Variants in TBC1D9 observed in about 807,000 individuals in gnomAD.
TBC1D9 encodes TBC1 domain family member 9.
TBC1D9 carries 63 observed loss-of-function variants against 132.0 expected under a neutral mutation model. The ratio of observed to expected loss-of-function variants is 0.48; its 90% CI spans 0.39 to 0.59. TBC1D9 has a LOEUF of 0.59. Ranked by LOEUF, TBC1D9 falls within the 20% of genes least tolerant of loss-of-function variation. The pLI is 0.00. For missense variants in TBC1D9, 1,261 were observed against 1,592.7 expected (o/e 0.79, Z 3.54); for synonymous variants, 610 against 609.9 (o/e 1.00, Z 0.00).
chr4:140,634,270 G>A, intron 15 of TBC1D9, 82 bp from the exon 16 acceptor site: 1 of 1,548,420 alleles, frequency 6.5e-7, no homozygotes, highest in Non-Finnish European at 8.7e-7. Flanking sequence ...AGTTTGGAAA[G>A]GGCTTTAGGT....
intron 15 of TBC1D9, among the ~76,000 whole-genome samples, chr4:140,634,703 G>A (rs767583450): frequency 3.3e-5 from 5 of 152,056 alleles, no homozygotes; most frequent in African/African-American, 4.8e-5. Context: ...CTTAACTCCC[G>A]CTTTAATGTC....
chr4:140,642,547 AG>A, intron 13 of TBC1D9: 1 of 1,126,512 alleles, frequency 8.9e-7, no homozygotes, highest in East Asian at 2.3e-5. Flanking sequence ...GGTGAGGGAG[AG>A]GGCCTTTGTC....
intron 10 of TBC1D9, 31 bp downstream of exon 10, chr4:140,661,862 T>A (rs773542990): frequency 6.4e-7 from 1 of 1,560,632 alleles, no homozygotes; most frequent in Non-Finnish European, 8.8e-7. Flanking sequence ...TTTATTTTAT[T>A]TTTTTAGCAA....
intron 1 of TBC1D9, among the ~76,000 whole-genome samples, chr4:140,735,866 CTT>C (rs997006614): frequency 1.3e-4 from 20 of 152,198 alleles, no homozygotes; most frequent in African/African-American, 4.8e-4. Context: ...TAAGAGCTGT[CTT>C]TTGCTAGACA....
At chr4:140,643,118 G>T (rs574076851) in intron 13 of TBC1D9, 44 of 1,407,132 alleles carry the variant, frequency 3.1e-5, no homozygotes, top group Non-Finnish European at 4.1e-5. Context: ...GTTCTTGAGC[G>T]GGTCCCACCA....
At chr4:140,755,410 G>A (rs1019919263) in intron 1 of TBC1D9, among the ~76,000 whole-genome samples, 2 of 152,106 alleles carry the variant, frequency 1.3e-5, no homozygotes, top group African/African-American at 4.8e-5. Flanking sequence ...TCCTGTTTCC[G>A]TATTCATTCT....
intron 18 of TBC1D9, 126 bp from the exon 19 acceptor site, chr4:140,624,514 A>T: frequency 1.4e-6 from 1 of 704,462 alleles, no homozygotes. Flanking sequence ...CAAACAAACA[A>T]AAAAAAACTC....
intron 2 of TBC1D9, among the ~76,000 whole-genome samples, chr4:140,694,802 T>C (rs1038288561): frequency 7.9e-5 from 12 of 150,944 alleles, no homozygotes; most frequent in African/African-American, 2.7e-4. Context: ...AGTCTGAAAG[T>C]GATGATTTGT....
chr4:140,731,130 G>A (rs554537627), intron 1 of TBC1D9, among the ~76,000 whole-genome samples: 1 of 152,228 alleles, frequency 6.6e-6, no homozygotes, highest in East Asian at 1.9e-4. Flanking sequence ...TAGACTCAAG[G>A]AAGACTGCCT....
intron 6 of TBC1D9, among the ~76,000 whole-genome samples, chr4:140,675,400 C>T (rs1480779576): frequency 6.6e-6 from 1 of 152,126 alleles, no homozygotes; most frequent in Non-Finnish European, 1.5e-5. Context: ...TACCCAAAGC[C>T]TCTGGCCACC....
intron 2 of TBC1D9, among the ~76,000 whole-genome samples, chr4:140,692,135 A>G (rs1242243710): frequency 6.6e-6 from 1 of 152,222 alleles, no homozygotes; most frequent in Non-Finnish European, 1.5e-5. Flanking sequence ...CTCATTGATC[A>G]TAAGTGTATG....
chr4:140,672,280 T>C (rs1737550075), intron 6 of TBC1D9, among the ~76,000 whole-genome samples: 2 of 150,020 alleles, frequency 1.3e-5, no homozygotes, highest in Non-Finnish European at 3.0e-5. Context: ...TATTTATATA[T>C]ATTAAAGGAA....
At chr4:140,721,363 C>A (rs1025975466) in intron 1 of TBC1D9, among the ~76,000 whole-genome samples, 2 of 152,208 alleles carry the variant, frequency 1.3e-5, no homozygotes. Flanking sequence ...TTAATCCTCA[C>A]AATATCCTAA....
chr4:140,751,215 GGTGTT>G (rs1297119635), intron 1 of TBC1D9, among the ~76,000 whole-genome samples: 1 of 152,076 alleles, frequency 6.6e-6, no homozygotes, highest in Non-Finnish European at 1.5e-5. Flanking sequence ...ACTACAGTGT[GGTGTT>G]GGTGCAAGAA....
At chr4:140,638,511 A>C (rs1736914536) in intron 15 of TBC1D9, among the ~76,000 whole-genome samples, 3 of 148,648 alleles carry the variant, frequency 2.0e-5, no homozygotes, top group Admixed American at 2.0e-4. Flanking sequence ...AAAAAAAAGA[A>C]AAAAAAAAAG....
In TBC1D9 at chr4:140,706,015, G is replaced by T. The variant is rs1330879013; in HGVS notation, c.131-4401C>A. ...ATTGTTCCATATTTGCTTCCCATTT[G>T]GTTGTGGGCACTGGAAGATGTGTGA... On this transcript the variant is annotated intron_variant, in intron 1 of 20. Coordinates refer to ENST00000442267, the MANE Select transcript of TBC1D9 (RefSeq NM_015130.3). This position sits in a 1 kb window ranked among gnomAD's most constrained non-coding sequence, Gnocchi z 4.0. Among the ~76,000 whole-genome samples, 1 of 152,148 alleles carries T rather than the reference G, an allele frequency of 6.6e-6. No individual in the cohort carries two copies. The highest frequency in any genetic ancestry group is 1.5e-5 in the Non-Finnish European group (1 of 68,024).
intron 15 of TBC1D9, 27 bp from the exon 16 acceptor site, chr4:140,634,215 G>A: frequency 1.2e-6 from 2 of 1,604,504 alleles, no homozygotes; most frequent in Non-Finnish European, 8.5e-7. Context: ...GATCACTGGG[G>A]ACCCTCTTTT....
intron 13 of TBC1D9, among the ~76,000 whole-genome samples, chr4:140,654,816 A>C (rs923433240): frequency 4.6e-5 from 7 of 151,790 alleles, no homozygotes; most frequent in African/African-American, 1.7e-4. Flanking sequence ...TTTTTTTTTT[A>C]ATCTAATTTT....
chr4:140,638,663 A>G (rs1174305767), intron 15 of TBC1D9, among the ~76,000 whole-genome samples: 1 of 152,166 alleles, frequency 6.6e-6, no homozygotes, highest in East Asian at 1.9e-4. Context: ...GGGCTGAATT[A>G]GGAAAGGAAA....
Sources: gnomAD v4.1 joint callset for allele counts (sites outside exome capture counted in the v4.1 genomes callset) on GRCh38, gnomAD v4.1.1 for gene constraint, Gnocchi (gnomAD v3.1) non-coding constraint, MANE v1.5 for transcripts, NCBI Gene and HGNC (gene_info 2026-07-23, HGNC 2026-07-21) for gene names.